The following SYNJ2 variants were observed in gnomAD, a reference collection of about 807,000 sequenced individuals.
The protein encoded by SYNJ2 is synaptojanin 2.
In SYNJ2, 116 loss-of-function variants were observed where a neutral mutation model predicts 141.3. The observed-to-expected ratio is 0.82, with a 90% CI of 0.71 to 0.96. The LOEUF is 0.96. Ranked by LOEUF, SYNJ2 falls within the 40% of genes least tolerant of loss-of-function variation. The pLI is 0.00. For missense variants in SYNJ2, 1,873 were observed against 1,934.8 expected, an observed-to-expected ratio of 0.97 and a Z score of 0.60; for synonymous variants, 745 against 777.7, an observed-to-expected ratio of 0.96 and a Z score of 0.70.
Position 158,043,393 on chromosome 6 carries a change from G to A in SYNJ2, c.789G>A (p.Gly263=). 2 of 1,613,822 alleles carry A rather than the reference G, an allele frequency of 1.2e-6. No homozygotes were observed. Among genetic ancestry groups the A allele is most frequent in the Non-Finnish European group, 1.7e-6 (2 of 1,179,750 alleles). The change falls in exon 5 of 27, where the codon GGG becomes GGA. Residue 263 remains glycine, a synonymous_variant. Transcript: ENST00000355585. This position sits in a 1 kb window ranked among gnomAD's most constrained non-coding sequence, Gnocchi z 4.0. ...TTCCGCTGTTCTGGGAACAGCCAGG[G>A]CTTCAGGTAGGTCATGAAAAAACTT... ...GSVPLFWEQP[G]LQVGSHHLRL...
rs905018225 is a variant in SYNJ2 at position 158,020,934 on chromosome 6, C to T, written c.214+3644C>T. Among the ~76,000 whole-genome samples, 4 of 152,286 alleles carry T rather than the reference C, an allele frequency of 2.6e-5. No individual in the cohort carries two copies. In the South Asian group the frequency reaches 8.3e-4, roughly 32 times the overall value. On this transcript the variant is annotated intron_variant, in intron 2 of 26. Coordinates refer to ENST00000355585, the MANE Select transcript of SYNJ2 (RefSeq NM_003898.4). The stretch of plus-strand genomic sequence containing the variant: ...ACAAAAATTCATAAAAGCCTTTTTC[C>T]AGGTTCCAAGGTTTTTGTAGAAAGC...
At chr6:158,045,572 C>T (rs755747824) in intron 5 of SYNJ2, among the ~76,000 whole-genome samples, 7 of 152,096 alleles carry the variant, frequency 4.6e-5, no homozygotes, top group African/African-American at 9.7e-5. Context: ...GATTCTTCTC[C>T]GTGTGACTCA....
intron 2 of SYNJ2, 168 bp from the exon 3 acceptor site, chr6:158,028,588 C>A: frequency 1.2e-6 from 1 of 835,560 alleles, no homozygotes. Context: ...GCTTACAGGA[C>A]AGGGCAGGTT....
At chr6:158,078,500 T>A (rs1331595927) in intron 18 of SYNJ2, 1 of 350,380 alleles carries the variant, frequency 2.9e-6, no homozygotes, top group Non-Finnish European at 5.2e-6. Flanking sequence ...TTGCTCCATA[T>A]CATAAATGAC....
intron 12 of SYNJ2, among the ~76,000 whole-genome samples, chr6:158,066,874 C>T (rs1474517737): frequency 6.6e-6 from 1 of 152,196 alleles, no homozygotes; most frequent in Non-Finnish European, 1.5e-5. Context: ...TTTCTCTTTG[C>T]ATACAGTGAT....
intron 23 of SYNJ2, among the ~76,000 whole-genome samples, chr6:158,088,263 T>C (rs1227144350): frequency 6.6e-6 from 1 of 151,964 alleles, no homozygotes; most frequent in Non-Finnish European, 1.5e-5. Flanking sequence ...GTAGAGACAG[T>C]TTCACCATGT....
chr6:158,033,375 C>A, intron 3 of SYNJ2, 80 bp from the exon 4 acceptor site: 2 of 1,508,072 alleles, frequency 1.3e-6, no homozygotes, highest in East Asian at 2.3e-5. Context: ...CCCCCAGTTC[C>A]TCAGCCACAC....
At chr6:157,994,690 G>A (rs907058723) in intron 1 of SYNJ2, among the ~76,000 whole-genome samples, 2 of 152,198 alleles carry the variant, frequency 1.3e-5, no homozygotes, top group East Asian at 1.9e-4. Context: ...ATTTCAAAGG[G>A]CATCTGCCAC....
chr6:158,068,258 T>C (rs1781688035), intron 12 of SYNJ2, among the ~76,000 whole-genome samples: 4 of 151,820 alleles, frequency 2.6e-5, no homozygotes, highest in Admixed American at 2.6e-4. Flanking sequence ...AGAGGCCATG[T>C]CCTCCTAGCT....
At chr6:158,003,632 C>T (rs1298846979) in intron 1 of SYNJ2, among the ~76,000 whole-genome samples, 2 of 152,158 alleles carry the variant, frequency 1.3e-5, no homozygotes, top group African/African-American at 4.8e-5. Flanking sequence ...GGCCGGGCTT[C>T]GTTGGCATTT....
chr6:158,028,588 C>T, intron 2 of SYNJ2, 168 bp from the exon 3 acceptor site: 1 of 835,562 alleles, frequency 1.2e-6, no homozygotes, highest in Non-Finnish European at 1.8e-6. Flanking sequence ...GCTTACAGGA[C>T]AGGGCAGGTT....
intron 8 of SYNJ2, 56 bp downstream of exon 8, chr6:158,062,220 C>T (rs1006615464): frequency 1.0e-5 from 16 of 1,585,326 alleles, no homozygotes; most frequent in African/African-American, 4.0e-5. Flanking sequence ...CGTCAGTCCA[C>T]GGTGAGGCTC....
intron 13 of SYNJ2, among the ~76,000 whole-genome samples, 188 bp from the exon 14 acceptor site, chr6:158,069,345 T>C (rs1781766582): frequency 6.6e-6 from 1 of 152,110 alleles, no homozygotes. Context: ...TGCTGTGATG[T>C]GTGAGGCATA....
chr6:158,029,595 G>A (rs543861394), intron 3 of SYNJ2, among the ~76,000 whole-genome samples: 8 of 151,882 alleles, frequency 5.3e-5, no homozygotes, highest in Non-Finnish European at 1.0e-4. Flanking sequence ...AAGAAACCCT[G>A]TTCCATAAGT....
intron 1 of SYNJ2, among the ~76,000 whole-genome samples, chr6:158,002,646 C>T (rs1777905958): frequency 6.6e-6 from 1 of 152,222 alleles, no homozygotes; most frequent in Non-Finnish European, 1.5e-5. Flanking sequence ...GGAAACATTG[C>T]TCCACCCCTC....
Position 158,086,895 on chromosome 6 carries a change from C to T in SYNJ2, c.3249C>T (p.Ala1083=), listed in dbSNP as rs781058022. 5 of 1,610,674 alleles carry T rather than the reference C, an allele frequency of 3.1e-6. No individual in the cohort carries two copies. In the South Asian group the frequency reaches 4.4e-5, roughly 14 times the overall value. The change falls in exon 23 of 27, where the codon GCC becomes GCT. Residue 1083 remains alanine (A), a synonymous_variant. Coordinates refer to ENST00000355585, the MANE Select transcript of SYNJ2 (RefSeq NM_003898.4). ...TGGAGCTCAAGCGGGAGCTGGAAGC[C>T]GTCGGGGAGTTCCGCCACCGTTCTC... is the stretch of plus-strand genomic sequence containing the variant. ...DLVELKRELE[A]VGEFRHRSPS... is the part of the protein sequence containing the mutation.
intron 12 of SYNJ2, 65 bp downstream of exon 12, chr6:158,066,700 C>T: frequency 6.4e-6 from 10 of 1,556,840 alleles, no homozygotes; most frequent in Non-Finnish European, 8.7e-6. Flanking sequence ...TCACGCTTGA[C>T]CCTTTAGTGG....
chr6:158,073,864 G>C (rs1441007883), intron 15 of SYNJ2, among the ~76,000 whole-genome samples: 1 of 151,648 alleles, frequency 6.6e-6, no homozygotes, highest in Non-Finnish European at 1.5e-5. Flanking sequence ...TGCACTAGCT[G>C]TGTAACCTTC....
intron 1 of SYNJ2, among the ~76,000 whole-genome samples, chr6:158,000,763 C>A (rs568328383): frequency 5.6e-4 from 85 of 152,240 alleles, no homozygotes; most frequent in African/African-American, 1.9e-3. Context: ...ACTTCCCTTA[C>A]AGCACGCACT....
Sources: gnomAD v4.1 joint callset for allele counts (sites outside exome capture counted in the v4.1 genomes callset) on GRCh38, gnomAD v4.1.1 for gene constraint, Gnocchi (gnomAD v3.1) non-coding constraint, MANE v1.5 for transcripts, NCBI Gene and HGNC (gene_info 2026-07-23, HGNC 2026-07-21) for gene names.